LPCAT2: variants seen among roughly 807,000 people sequenced by gnomAD.
LPCAT2 encodes 1-AGP acyltransferase 11.
In LPCAT2, 58 loss-of-function variants were observed where a neutral mutation model predicts 64.7. The ratio of observed to expected loss-of-function variants is 0.90; its 90% CI spans 0.73 to 1.12. The LOEUF is 1.12. Ranked by LOEUF, LPCAT2 falls within the 50% of genes most tolerant of loss-of-function variation. LPCAT2 has a pLI of 0.00. For missense variants in LPCAT2, 579 were observed against 669.8 expected (o/e 0.86, Z 1.50); for synonymous variants, 252 against 245.3 (o/e 1.03, Z -0.26).
chr16:55,567,297 G>A (rs540136871), intron 11 of LPCAT2: 69 of 1,613,602 alleles, frequency 4.3e-5, no homozygotes, highest in Non-Finnish European at 5.8e-5. Context: ...TCTGCAGGCC[G>A]CAGGCTTCCA....
chr16:55,539,281 C>T (rs1378320411), intron 8 of LPCAT2: 1 of 129,444 alleles, frequency 7.7e-6, no homozygotes, highest in Admixed American at 8.2e-5. Context: ...TTTTTAATTA[C>T]GATATTTGCA....
intron 13 of LPCAT2, among the ~76,000 whole-genome samples, chr16:55,580,041 G>T (rs944787712): frequency 1.3e-5 from 2 of 152,168 alleles, no homozygotes; most frequent in East Asian, 3.9e-4. Context: ...GTTTGATGTG[G>T]TCATGGATGT....
At chr16:55,532,975 A>G in intron 6 of LPCAT2, 93 bp downstream of exon 6, 2 of 1,052,594 alleles carry the variant, frequency 1.9e-6, no homozygotes, top group Non-Finnish European at 2.8e-6. Context: ...AAGGTTGTGA[A>G]CAGATAAATG....
At chr16:55,531,294 T>C (rs1963249670) in intron 4 of LPCAT2, among the ~76,000 whole-genome samples, 1 of 152,172 alleles carries the variant, frequency 6.6e-6, no homozygotes, top group Non-Finnish European at 1.5e-5. Context: ...CATCAGAAAA[T>C]TAAGTTGCTA....
At chr16:55,561,916 G>A (rs562677272) in intron 11 of LPCAT2, among the ~76,000 whole-genome samples, 151 of 152,120 alleles carry the variant, frequency 9.9e-4, no homozygotes, top group African/African-American at 3.6e-3. Context: ...TGTGGCAGAA[G>A]ACAGGACATT....
intron 11 of LPCAT2, among the ~76,000 whole-genome samples, chr16:55,573,699 C>T (rs1963795223): frequency 6.6e-6 from 1 of 151,918 alleles, no homozygotes; most frequent in South Asian, 2.1e-4. Context: ...TTCTTTCTCC[C>T]TCCTCCTACC....
intron 1 of LPCAT2, among the ~76,000 whole-genome samples, chr16:55,513,323 T>G (rs1595304): frequency 0.48 from 73,141 of 151,926 alleles, 18,250 homozygotes; most frequent in Non-Finnish European, 0.55. Context: ...CTGTTATATC[T>G]GAAATGAAAA....
chr16:55,531,123 A>G lies in LPCAT2; in HGVS notation c.643-791A>G, dbSNP rs79111753. On this transcript the variant is annotated intron_variant, in intron 4 of 13. Transcript: ENST00000262134. The stretch of plus-strand genomic sequence containing the variant: ...GAGAATGGAATTATATCCTTTCATA[A>G]TTTTTATTTTATAAATAACCTGTTA... Among the ~76,000 whole-genome samples the G allele has an allele frequency of 1.9e-3, 282 of 152,288 alleles. 5 individuals are homozygous for G. In the East Asian group the frequency reaches 0.026, roughly 14 times the overall value.
In LPCAT2 at chr16:55,545,766, A is replaced by G; in HGVS notation, c.884A>G (p.Glu295Gly). The change falls in exon 9 of 14, where the codon GAA (glutamate) becomes GGA (glycine). Residue 295 changes from glutamate to glycine, a missense_variant. Glu to Gly is a moderately conservative substitution (Grantham distance 98). Coordinates refer to ENST00000262134, the MANE Select transcript of LPCAT2 (RefSeq NM_017839.5). ...CCAGTTCAAGTACCAAATGATGAAG[A>G]AAAAAATGATCCTGTCCTTTTTGCC... is the stretch of plus-strand genomic sequence containing the variant. ...FMPVQVPNDE[E>G]KNDPVLFANK... 6.2e-7 allele frequency: 1 copy of G among 1,611,988 alleles called. No individual in the cohort carries two copies. The highest frequency in any genetic ancestry group is 8.5e-7 in the Non-Finnish European group (1 of 1,178,594).
At chr16:55,537,325 A>C (rs980749563) in intron 7 of LPCAT2, among the ~76,000 whole-genome samples, 23 of 151,512 alleles carry the variant, frequency 1.5e-4, no homozygotes, top group Non-Finnish European at 2.2e-4. Context: ...CAGGAGGTTG[A>C]GGCTGCAGTG....
intron 13 of LPCAT2, 42 bp from the exon 14 acceptor site, chr16:55,582,872 G>A (rs1422706394): frequency 5.2e-6 from 7 of 1,350,792 alleles, no homozygotes; most frequent in Non-Finnish European, 7.3e-6. Flanking sequence ...GCCAAAAGAA[G>A]ATTCACCCCA....
chr16:55,578,252 C>T (rs935206742), intron 12 of LPCAT2, among the ~76,000 whole-genome samples: 4 of 152,294 alleles, frequency 2.6e-5, no homozygotes, highest in Admixed American at 6.5e-5. Flanking sequence ...TACCCAAATT[C>T]GTATCTCAAG....
intron 11 of LPCAT2, among the ~76,000 whole-genome samples, chr16:55,572,520 C>G (rs1963781490): frequency 6.6e-6 from 1 of 152,138 alleles, no homozygotes; most frequent in Admixed American, 6.5e-5. Context: ...GTAAAAACAG[C>G]CCTCCAGAGT....
rs180995801 is a variant in LPCAT2, at chr16:55,576,653, C to T, written c.1314+1924C>T. Among the ~76,000 whole-genome samples, 6 of 152,188 alleles carry T rather than the reference C, an allele frequency of 3.9e-5. No individual in the cohort carries two copies. The South Asian group carries it at 6.2e-4, about 16-fold the overall frequency. ...GGTCCAGCTGGTCTTGGGCCATGTGCGTGATGGGAAAGACAGAATGTTTTC... is the reference window on the plus strand; with the variant it reads ...GGTCCAGCTGGTCTTGGGCCATGTGTGTGATGGGAAAGACAGAATGTTTTC... On this transcript the variant is annotated intron_variant, in intron 12 of 13. Coordinates refer to ENST00000262134, the MANE Select transcript of LPCAT2 (RefSeq NM_017839.5).
At chr16:55,538,028 T>G (rs1419816828) in intron 8 of LPCAT2, among the ~76,000 whole-genome samples, 1 of 152,120 alleles carries the variant, frequency 6.6e-6, no homozygotes, top group African/African-American at 2.4e-5. Flanking sequence ...GGGAGAGACA[T>G]AGAGGTCAGA....
At chr16:55,570,037 G>T (rs1223704436) in intron 11 of LPCAT2, among the ~76,000 whole-genome samples, 1 of 152,106 alleles carries the variant, frequency 6.6e-6, no homozygotes, top group African/African-American at 2.4e-5. Context: ...TTTAATCAAT[G>T]TAAATTGAAA....
chr16:55,581,956 G>A (rs1963891208), intron 13 of LPCAT2, among the ~76,000 whole-genome samples: 1 of 152,080 alleles, frequency 6.6e-6, no homozygotes. Context: ...ATTATATATT[G>A]TACACTTTCC....
chr16:55,555,359 C>T (rs922502784), intron 11 of LPCAT2, among the ~76,000 whole-genome samples: 2 of 152,188 alleles, frequency 1.3e-5, no homozygotes, highest in Non-Finnish European at 2.9e-5. Context: ...TTTGACTTTC[C>T]TCACCAATCC....
chr16:55,583,026 C>T lies in LPCAT2; in HGVS notation c.1563C>T (p.Thr521=), dbSNP rs751267460. 2.5e-5 allele frequency: 41 copies of T among 1,613,672 alleles called. No homozygotes were observed. The highest frequency in any genetic ancestry group is 3.5e-5 in the Non-Finnish European group (41 of 1,179,832). The change falls in exon 14 of 14, where the codon ACC becomes ACT. Residue 521 remains threonine, a synonymous_variant. Coordinates refer to ENST00000262134, the MANE Select transcript of LPCAT2 (RefSeq NM_017839.5). The part of the protein sequence containing the change: ...VFSLPKEVQT[T]PSTASNKVSP... ...CATTACCAAAAGAAGTCCAGACAAC[C>T]CCCTCCACCGCCAGTAATAAAGTCA... is the stretch of plus-strand genomic sequence containing the variant.
Sources: gnomAD v4.1 joint callset for allele counts (sites outside exome capture counted in the v4.1 genomes callset) on GRCh38, gnomAD v4.1.1 for gene constraint, MANE v1.5 for transcripts, NCBI Gene and HGNC (gene_info 2026-07-23, HGNC 2026-07-21) for gene names.